THOC5: variants seen among roughly 807,000 people sequenced by gnomAD.
THOC5 encodes the protein THO complex subunit 5, also known as Fms-interacting protein.
A neutral mutation model predicts 92.9 loss-of-function variants in THOC5; 43 were observed. The observed-to-expected ratio is 0.46, with a 90% CI of 0.36 to 0.60. The LOEUF (loss-of-function observed/expected upper bound fraction) is 0.60. Among genes scored for constraint, THOC5 ranks in the 20% least tolerant of loss-of-function variants. The probability of loss-of-function intolerance (pLI) is 0.00; values close to 1 mark genes in which losing one functional copy is unlikely to be tolerated. For missense variants in THOC5, 659 were observed against 849.4 expected, an observed-to-expected ratio of 0.78 and a Z score of 2.79; for synonymous variants, 296 against 320.1, an observed-to-expected ratio of 0.92 and a Z score of 0.80.
rs574014316 is a variant in THOC5, at chr22:29,507,752, T to C, written c.*705A>G. 6.6e-6 allele frequency: 1 copy of C among 152,326 alleles called. No homozygotes were observed. Among genetic ancestry groups the C allele is most frequent in the Non-Finnish European group, 1.5e-5 (1 of 68,134 alleles). 9.4% of individuals were successfully genotyped at this position (152,326 alleles called of 1,614,324 possible). ...AGATACAAAATATATACTGAAAATA[T>C]GTACTGACTATGTTAGCAGTAAGTA... is the stretch of plus-strand genomic sequence containing the variant. On this transcript the variant is annotated 3_prime_UTR_variant, in exon 20 of 20. Transcript: ENST00000490103.
intron 5 of THOC5, among the ~76,000 whole-genome samples, chr22:29,541,151 C>A (rs528009457): frequency 2.0e-5 from 3 of 151,748 alleles, no homozygotes; most frequent in African/African-American, 7.3e-5. Flanking sequence ...CGCCACCACA[C>A]TCCAGCCTGG....
intron 19 of THOC5, among the ~76,000 whole-genome samples, chr22:29,509,283 A>T (rs115031443): frequency 0.022 from 3,338 of 150,074 alleles, 136 homozygotes; most frequent in African/African-American, 0.079. Flanking sequence ...CTCAAAAAAA[A>T]AAAAAAAAAG....
chr22:29,552,937 AC>A (rs1473357711), intron 1 of THOC5, among the ~76,000 whole-genome samples: 1 of 152,136 alleles, frequency 6.6e-6, no homozygotes, highest in Non-Finnish European at 1.5e-5. Context: ...CTATAGCCTT[AC>A]CCCCAACCCC....
chr22:29,509,861 G>T (rs949445110), intron 19 of THOC5, among the ~76,000 whole-genome samples: 10 of 150,668 alleles, frequency 6.6e-5, no homozygotes, highest in African/African-American at 2.0e-4. Flanking sequence ...AGGGAACAGA[G>T]AACAAGGTGA....
At chr22:29,533,388 G>A (rs1042850488) in intron 7 of THOC5, among the ~76,000 whole-genome samples, 1 of 152,172 alleles carries the variant, frequency 6.6e-6, no homozygotes, top group Non-Finnish European at 1.5e-5. Context: ...TGGCACTACA[G>A]AGCAGTGGAA....
chr22:29,537,849 C>T (rs1601438288), intron 6 of THOC5, among the ~76,000 whole-genome samples: 2 of 152,084 alleles, frequency 1.3e-5, no homozygotes, highest in African/African-American at 4.8e-5. Context: ...CGAGATCACA[C>T]CATTGCATTC....
At chr22:29,522,381 T>G (rs1246207216) in intron 12 of THOC5, among the ~76,000 whole-genome samples, 2 of 150,674 alleles carry the variant, frequency 1.3e-5, no homozygotes, top group African/African-American at 4.9e-5. Context: ...TAAAATAAAA[T>G]AAAATAAAAT....
At chr22:29,548,498 T>C (rs977049470) in intron 2 of THOC5, among the ~76,000 whole-genome samples, 1 of 152,120 alleles carries the variant, frequency 6.6e-6, no homozygotes, top group African/African-American at 2.4e-5. Context: ...CAGTCTGCAG[T>C]GAGCAGAAAT....
intron 5 of THOC5, among the ~76,000 whole-genome samples, chr22:29,542,589 C>A (rs2063920859): frequency 1.3e-5 from 2 of 152,048 alleles, no homozygotes; most frequent in African/African-American, 4.8e-5. Flanking sequence ...CATGGCAAAA[C>A]CCCGTCTCTA....
At chr22:29,531,103 C>A in intron 8 of THOC5, 1 of 1,185,642 alleles carries the variant, frequency 8.4e-7, no homozygotes, top group Non-Finnish European at 1.1e-6. Context: ...GGGAGGATTT[C>A]ATATGAGCTG....
intron 15 of THOC5, 131 bp downstream of exon 15, chr22:29,518,875 C>G (rs1197978620): frequency 1.4e-5 from 10 of 707,446 alleles, no homozygotes; most frequent in Non-Finnish European, 2.5e-5. Flanking sequence ...GCCAAGATGC[C>G]CACTCCGTAA....
At chr22:29,516,789 C>T (rs1368202166) in intron 17 of THOC5, among the ~76,000 whole-genome samples, 2 of 152,184 alleles carry the variant, frequency 1.3e-5, no homozygotes, top group Non-Finnish European at 2.9e-5. Flanking sequence ...CCTGAATTTC[C>T]TCCCATGTAA....
At position 29,552,560 on chromosome 22, in the gene THOC5, C is replaced by T. The variant is rs1475210179; in HGVS notation, c.-12+1111G>A. Among the ~76,000 whole-genome samples, 10 of 150,408 alleles carry T rather than the reference C, an allele frequency of 6.6e-5. No individual in the cohort carries two copies. The East Asian group carries it at 2.0e-3, about 30-fold the overall frequency. ...GCAGCCCCCGCCCGGCCAGCCGCCC[C>T]GTCCGGGGGGGAGGTGGGGGCCAGC... On this transcript the variant is annotated intron_variant, in intron 1 of 19. Coordinates refer to ENST00000490103, the MANE Select transcript of THOC5 (RefSeq NM_003678.5).
rs545010892 is a variant in THOC5, at chr22:29,537,456, C to T, written c.600-718G>A. Among the ~76,000 whole-genome samples, 161 of 152,340 alleles carry T rather than the reference C, an allele frequency of 1.1e-3. 1 individual carries two copies. The highest frequency in any genetic ancestry group is 3.4e-3 in the Middle Eastern group (1 of 294). ...AAGAGTTCGAGACCAGCCTGGCCAA[C>T]ATGGTGAAACCCGTCTCTACTAAAA... is the stretch of plus-strand genomic sequence containing the variant. On this transcript the variant is annotated intron_variant, in intron 6 of 19. Coordinates refer to ENST00000490103, the MANE Select transcript of THOC5 (RefSeq NM_003678.5).
chr22:29,528,764 AAAT>A (rs1323368831), intron 9 of THOC5, among the ~76,000 whole-genome samples: 6 of 152,294 alleles, frequency 3.9e-5, no homozygotes, highest in Non-Finnish European at 5.9e-5. Flanking sequence ...ATAGTAACAC[AAAT>A]AATAATAATA....
intron 7 of THOC5, chr22:29,536,415 A>G: frequency 1.9e-6 from 1 of 514,918 alleles, no homozygotes; most frequent in South Asian, 3.3e-5. Flanking sequence ...GAAAACACCC[A>G]GGTCAATGTG....
At chr22:29,543,590 A>T (rs764312747) in intron 3 of THOC5, 48 bp from the exon 4 acceptor site, 13 of 1,451,710 alleles carry the variant, frequency 9.0e-6, no homozygotes, top group Non-Finnish European at 1.3e-5. Flanking sequence ...GGGCTAGCTC[A>T]GCTTCCTTCA....
intron 1 of THOC5, among the ~76,000 whole-genome samples, chr22:29,552,560 C>A (rs1475210179): frequency 6.7e-6 from 1 of 150,294 alleles, no homozygotes; most frequent in South Asian, 2.1e-4. Flanking sequence ...CCAGCCGCCC[C>A]GTCCGGGGGG....
chr22:29,518,739 C>A (rs1393746251), intron 15 of THOC5, among the ~76,000 whole-genome samples: 1 of 152,202 alleles, frequency 6.6e-6, no homozygotes, highest in Non-Finnish European at 1.5e-5. Flanking sequence ...ACTGCCCCGA[C>A]CAGTCCACAA....
Sources: gnomAD v4.1 joint callset for allele counts (sites outside exome capture counted in the v4.1 genomes callset) on GRCh38, gnomAD v4.1.1 for gene constraint, MANE v1.5 for transcripts, NCBI Gene and HGNC (gene_info 2026-07-23, HGNC 2026-07-21) for gene names.